The following MEIKIN variants were observed in gnomAD, a reference collection of about 807,000 sequenced individuals.
MEIKIN encodes the protein meiotic kinetochore factor, also known as meiosis-specific kinetochore protein.
chr5:131,868,353 G>T (rs957897648), intron 9 of MEIKIN, among the ~76,000 whole-genome samples: 2 of 152,112 alleles, frequency 1.3e-5, no homozygotes, highest in African/African-American at 4.8e-5. Context: ...CAAAATGTTG[G>T]GATTACAGGC....
intron 11 of MEIKIN, among the ~76,000 whole-genome samples, chr5:131,827,832 C>T (rs548579127): frequency 1.6e-4 from 25 of 152,206 alleles, no homozygotes; most frequent in South Asian, 6.2e-4. Context: ...TTCAAACACA[C>T]GCAACATATA....
At chr5:131,863,687 T>C (rs893734982) in intron 9 of MEIKIN, among the ~76,000 whole-genome samples, 23 of 151,880 alleles carry the variant, frequency 1.5e-4, no homozygotes, top group African/African-American at 5.1e-4. Context: ...ATAGTTTGGC[T>C]CTGTGTCCCC....
rs1298582525 is a variant in MEIKIN, at chr5:131,934,008, C to T, written c.350-367G>A. Among the ~76,000 whole-genome samples the T allele has an allele frequency of 2.6e-5, 4 of 151,952 alleles. 1 individual carries two copies. Among genetic ancestry groups the T allele is most frequent in the Admixed American group, 1.3e-4 (2 of 15,256 alleles). ...TAGCCCAGGGTGGAGTGCAGTAGCA[C>T]GATTTTGGCTCACTACAACCTCCGC... On this transcript the variant is annotated intron_variant, in intron 4 of 12. Transcript: ENST00000442687.
Position 131,944,437 on chromosome 5 carries a change from CA to C in MEIKIN, c.288+227del, listed in dbSNP as rs1751926072. On this transcript the variant is annotated intron_variant, in intron 3 of 12. Transcript: ENST00000442687. ...AATTCACCAATTATGGACGTTTCTCCAAAAACGTGTCAAGAGAAAGAGAAAA... is the reference window on the plus strand; with the variant it reads ...AATTCACCAATTATGGACGTTTCTCCAAAACGTGTCAAGAGAAAGAGAAAA... 7 of 355,586 alleles carry C rather than the reference CA, an allele frequency of 2.0e-5. No individual in the cohort carries two copies. The East Asian group carries it at 2.9e-4, about 15-fold the overall frequency. 22.0% of individuals were successfully genotyped at this position (355,586 alleles called of 1,614,324 possible). A position where few individuals can be genotyped will look rare whatever the true frequency, so the allele number is the denominator to read the frequency against.
At chr5:131,890,199 A>G (rs943245833) in intron 8 of MEIKIN, among the ~76,000 whole-genome samples, 1 of 152,154 alleles carries the variant, frequency 6.6e-6, no homozygotes, top group African/African-American at 2.4e-5. Context: ...TGGTATCAGG[A>G]TGATGCTGGC....
chr5:131,940,907 A>G (rs1442372105), intron 4 of MEIKIN, among the ~76,000 whole-genome samples: 1 of 152,102 alleles, frequency 6.6e-6, no homozygotes, highest in African/African-American at 2.4e-5. Flanking sequence ...TTGTAGCAAT[A>G]TGGAGTTACT....
intron 9 of MEIKIN, among the ~76,000 whole-genome samples, chr5:131,872,015 G>A (rs1750512515): frequency 6.6e-6 from 1 of 152,074 alleles, no homozygotes. Context: ...CATCATCAAA[G>A]ACCAAAGGTA....
chr5:131,818,956 T>C, intron 11 of MEIKIN, 93 bp from the exon 12 acceptor site: 1 of 388,338 alleles, frequency 2.6e-6, no homozygotes, highest in Non-Finnish European at 4.6e-6. Context: ...TTAATATCTG[T>C]ATTTCTTAGA....
chr5:131,920,364 A>G (rs1751484030), intron 6 of MEIKIN, among the ~76,000 whole-genome samples: 1 of 152,218 alleles, frequency 6.6e-6, no homozygotes, highest in Non-Finnish European at 1.5e-5. Flanking sequence ...TCACCCTTGG[A>G]CAAACACCAC....
intron 8 of MEIKIN, among the ~76,000 whole-genome samples, chr5:131,890,442 CTTATCCATTTATGTGTCGAGGAAT>C (rs1415569050): frequency 1.3e-5 from 2 of 151,774 alleles, no homozygotes; most frequent in African/African-American, 4.8e-5. Context: ...GGTCGAGGAA[CTTATCCATTTATGTGTCGAGGAAT>C]TTATCCATTT....
At chr5:131,868,392 T>C (rs1242007425) in intron 9 of MEIKIN, among the ~76,000 whole-genome samples, 1 of 152,248 alleles carries the variant, frequency 6.6e-6, no homozygotes, top group Non-Finnish European at 1.5e-5. Context: ...CCACTCATTG[T>C]TGTTTTAATT....
chr5:131,829,398 T>C (rs182881304), intron 11 of MEIKIN, among the ~76,000 whole-genome samples: 6 of 152,166 alleles, frequency 3.9e-5, no homozygotes, highest in Admixed American at 6.5e-5. Context: ...AAACAGAAGA[T>C]TGGCAAAGTG....
intron 11 of MEIKIN, among the ~76,000 whole-genome samples, chr5:131,819,079 T>C (rs1182014325): frequency 1.3e-5 from 2 of 152,142 alleles, no homozygotes; most frequent in Non-Finnish European, 2.9e-5. Context: ...GATTATATTA[T>C]CTCCATTTTA....
intron 11 of MEIKIN, among the ~76,000 whole-genome samples, chr5:131,835,430 T>G (rs1259122554): frequency 6.6e-6 from 1 of 152,184 alleles, no homozygotes; most frequent in Admixed American, 6.5e-5. Context: ...ATCCAAGAAA[T>G]CACTGCTAAG....
chr5:131,873,724 A>C (rs1200704483), intron 9 of MEIKIN, among the ~76,000 whole-genome samples: 1 of 152,118 alleles, frequency 6.6e-6, no homozygotes, highest in African/African-American at 2.4e-5. Flanking sequence ...CCTATTCCAA[A>C]ATTGAACACA....
chr5:131,811,707 T>C (rs1772960100), intron 12 of MEIKIN, among the ~76,000 whole-genome samples: 1 of 152,048 alleles, frequency 6.6e-6, no homozygotes, highest in Non-Finnish European at 1.5e-5. Flanking sequence ...CCCGGGTTCA[T>C]GCCATCCTCC....
intron 11 of MEIKIN, among the ~76,000 whole-genome samples, chr5:131,821,630 CTTTTTTTTT>C (rs375765946): frequency 4.0e-5 from 2 of 50,452 alleles, no homozygotes; most frequent in Non-Finnish European, 7.2e-5. Context: ...TGAGGTCTGC[CTTTTTTTTT>C]TTTTTTTTTT....
At chr5:131,887,172 T>G (rs376860771) in intron 8 of MEIKIN, among the ~76,000 whole-genome samples, 1 of 152,090 alleles carries the variant, frequency 6.6e-6, no homozygotes, top group East Asian at 1.9e-4. Context: ...CATACTTTTT[T>G]ATGGCTGCAC....
chr5:131,842,493 G>C (rs1253229477), intron 11 of MEIKIN, among the ~76,000 whole-genome samples: 1 of 152,040 alleles, frequency 6.6e-6, no homozygotes, highest in African/African-American at 2.4e-5. Context: ...AATTTGTTGA[G>C]AGTTTTTATC....
Sources: gnomAD v4.1 joint callset for allele counts (sites outside exome capture counted in the v4.1 genomes callset) on GRCh38, gnomAD v4.1.1 for gene constraint, MANE v1.5 for transcripts, NCBI Gene and HGNC (gene_info 2026-07-23, HGNC 2026-07-21) for gene names.